MEGF10: variants seen among roughly 807,000 people sequenced by gnomAD.
MEGF10 encodes the protein multiple epidermal growth factor-like domains protein 10.
Under a neutral mutation model 147.5 loss-of-function variants are expected in MEGF10, and 86 were observed. That is an observed-to-expected ratio of 0.58 (90% CI 0.49 to 0.70). The LOEUF (loss-of-function observed/expected upper bound fraction) is 0.70, where lower values mean the gene tolerates loss of function less well. Among genes scored for constraint, MEGF10 ranks in the 30% least tolerant of loss-of-function variants. The pLI is 0.00. For synonymous variants in MEGF10, 478 were observed against 525.5 expected, an observed-to-expected ratio of 0.91 and a Z score of 1.24; for missense variants, 1,329 against 1,487.3, an observed-to-expected ratio of 0.89 and a Z score of 1.75.
intron 9 of MEGF10, among the ~76,000 whole-genome samples, chr5:127,411,490 A>G (rs1466441238): frequency 6.6e-6 from 1 of 152,214 alleles, no homozygotes; most frequent in Non-Finnish European, 1.5e-5. Flanking sequence ...AGTAAACAAA[A>G]GCGTGTGGTT....
intron 24 of MEGF10, among the ~76,000 whole-genome samples, 198 bp downstream of exon 24, chr5:127,455,805 T>C (rs1766342833): frequency 6.6e-6 from 1 of 151,890 alleles, no homozygotes; most frequent in South Asian, 2.1e-4. Flanking sequence ...AGTGGCACAG[T>C]CTTGGCTCAC....
At chr5:127,367,919 T>C (rs775662673) in intron 4 of MEGF10, among the ~76,000 whole-genome samples, 3 of 152,150 alleles carry the variant, frequency 2.0e-5, no homozygotes, top group Non-Finnish European at 2.9e-5. Flanking sequence ...TTTAACACAG[T>C]GTGAGATAGC....
intron 17 of MEGF10, 137 bp downstream of exon 17, chr5:127,438,704 A>G (rs1765646342): frequency 3.6e-6 from 3 of 837,946 alleles, no homozygotes; most frequent in Admixed American, 2.9e-5. Context: ...TGACCTGTAG[A>G]CATATAAATT....
At chr5:127,397,530 G>T (rs1011671670) in intron 6 of MEGF10, among the ~76,000 whole-genome samples, 6 of 152,090 alleles carry the variant, frequency 3.9e-5, no homozygotes, top group African/African-American at 1.4e-4. Flanking sequence ...CCCTTACTGA[G>T]AAAATTACAT....
chr5:127,447,661 A>G lies in MEGF10; in HGVS notation c.2833A>G (p.Arg945Gly). 1.2e-6 allele frequency: 2 copies of G among 1,614,142 alleles called. No homozygotes were observed. Among genetic ancestry groups the G allele is most frequent in the Non-Finnish European group, 1.7e-6 (2 of 1,180,004 alleles). ...TGCCACATCCCCTCACGTCAACAAC[A>G]GGGACAGGATGACTGTCACGAAGGT... ...QCATSPHVNNRDRMTVTKSKN... is the reference protein window; with the variant it reads ...QCATSPHVNNGDRMTVTKSKN... The change falls in exon 21 of 25, where the codon AGG becomes GGG. Residue 945 changes from arginine to glycine, a missense_variant. This residue lies in a region of MEGF10 where 343 missense variants were observed against 377.9 expected (regional missense o/e 0.91). Transcript: ENST00000503335.
At chr5:127,293,382 A>C (rs1759351051) in intron 1 of MEGF10, among the ~76,000 whole-genome samples, 1 of 152,188 alleles carries the variant, frequency 6.6e-6, no homozygotes, top group Non-Finnish European at 1.5e-5. Flanking sequence ...TGAAGTGGGG[A>C]GATTTGTTAA....
chr5:127,417,936 A>G lies in MEGF10; in HGVS notation c.1305+124A>G, dbSNP rs1764839528. On this transcript the variant is annotated intron_variant, in intron 10 of 24. Transcript: ENST00000503335. ...GCTAAAGTCATCCACATCATTAAAG[A>G]GAGAGAGAAAATGAGGGGAAAAATG... 4 of 1,013,358 alleles carry G rather than the reference A, an allele frequency of 3.9e-6. No individual in the cohort carries two copies. The East Asian group carries it at 1.1e-4, about 29-fold the overall frequency. The allele number at this position is 1,013,358 out of a possible 1,614,324, so 62.8% of individuals were successfully genotyped here. A position where few individuals can be genotyped will look rare whatever the true frequency, so the allele number is the denominator to read the frequency against.
At chr5:127,370,181 T>C (rs1762800866) in intron 5 of MEGF10, among the ~76,000 whole-genome samples, 179 bp downstream of exon 5, 1 of 152,232 alleles carries the variant, frequency 6.6e-6, no homozygotes, top group South Asian at 2.1e-4. Flanking sequence ...TATACATTAT[T>C]CGTTAATTAA....
At chr5:127,429,188 T>G (rs908469672) in intron 13 of MEGF10, among the ~76,000 whole-genome samples, 1 of 152,202 alleles carries the variant, frequency 6.6e-6, no homozygotes, top group African/African-American at 2.4e-5. Flanking sequence ...TTTCTATCTG[T>G]TTTTTGCTAA....
chr5:127,281,693 A>G, the MEGF10 span, among the ~76,000 whole-genome samples: 4 of 152,202 alleles, frequency 2.6e-5, no homozygotes, highest in Non-Finnish European at 5.9e-5. Flanking sequence ...TGTGGTGCAC[A>G]CGGGATGGCC....
At chr5:127,381,396 T>C (rs543298825) in intron 5 of MEGF10, among the ~76,000 whole-genome samples, 1 of 152,228 alleles carries the variant, frequency 6.6e-6, no homozygotes, top group Non-Finnish European at 1.5e-5. Flanking sequence ...TCTTTATAAT[T>C]TCTTTCATAT....
At chr5:127,403,073 A>C (rs1036691386) in intron 8 of MEGF10, among the ~76,000 whole-genome samples, 64 of 152,144 alleles carry the variant, frequency 4.2e-4, no homozygotes, top group African/African-American at 1.5e-3. Flanking sequence ...TTACTTTCTT[A>C]TGATTCAGTA....
rs1759223822 is a variant in MEGF10 at position 127,290,905 on chromosome 5, G to C, written c.-170G>C. 1 of 152,248 alleles carries C rather than the reference G, an allele frequency of 6.6e-6. No homozygotes were observed. The highest frequency in any genetic ancestry group is 6.5e-5 in the Admixed American group (1 of 15,284). 9.4% of individuals were successfully genotyped at this position (152,248 alleles called of 1,614,324 possible). ...CTCTTTCCCGCTTCTCCACCTTTACGCCTGAAAGAAGACTCCCAAAGATTG... is the reference window on the plus strand; with the variant it reads ...CTCTTTCCCGCTTCTCCACCTTTACCCCTGAAAGAAGACTCCCAAAGATTG... On this transcript the variant is annotated 5_prime_UTR_variant, in exon 1 of 25. Coordinates refer to ENST00000503335, the MANE Select transcript of MEGF10 (RefSeq NM_001256545.2).
chr5:127,385,054 G>A (rs973891204), intron 5 of MEGF10, among the ~76,000 whole-genome samples: 1 of 152,058 alleles, frequency 6.6e-6, no homozygotes, highest in Non-Finnish European at 1.5e-5. Flanking sequence ...TTGAGACAGT[G>A]GAAAATTATT....
chr5:127,402,236 G>A (rs1465857843), intron 7 of MEGF10, among the ~76,000 whole-genome samples: 3 of 152,142 alleles, frequency 2.0e-5, no homozygotes, highest in Non-Finnish European at 1.5e-5. Context: ...CATTCCTTAG[G>A]TTGCCATAAT....
intron 4 of MEGF10, among the ~76,000 whole-genome samples, chr5:127,344,394 A>G (rs1761794601): frequency 2.0e-5 from 3 of 152,230 alleles, no homozygotes. Context: ...AAGATGAGGA[A>G]AATGTGGCTT....
At chr5:127,328,141 T>C (rs1290804651) in intron 1 of MEGF10, among the ~76,000 whole-genome samples, 1 of 152,208 alleles carries the variant, frequency 6.6e-6, no homozygotes, top group Non-Finnish European at 1.5e-5. Context: ...CTCTACAGCT[T>C]ATTGGCATAT....
chr5:127,233,793 C>G, the MEGF10 span, among the ~76,000 whole-genome samples: 21 of 152,138 alleles, frequency 1.4e-4, no homozygotes, highest in African/African-American at 4.6e-4. Context: ...GGGCTGCCCA[C>G]TTCCTTTTTT....
chr5:127,261,243 C>T, the MEGF10 span, among the ~76,000 whole-genome samples: 3 of 152,274 alleles, frequency 2.0e-5, no homozygotes, highest in Admixed American at 6.5e-5. Flanking sequence ...GACATCACCC[C>T]TCAATCCAAA....
Sources: allele counts gnomAD v4.1 joint callset (sites outside exome capture counted in the v4.1 genomes callset), GRCh38; gene constraint gnomAD v4.1.1; regional missense constraint gnomAD v4.1.1; transcripts MANE v1.5; gene names NCBI Gene and HGNC (gene_info 2026-07-23, HGNC 2026-07-21).